The following NEK5 variants were observed in gnomAD, a reference collection of about 807,000 sequenced individuals.
NEK5 encodes NIMA related kinase 5.
Under a neutral mutation model 109.2 loss-of-function variants are expected in NEK5, and 88 were observed. The observed-to-expected ratio is 0.81, with a 90% CI of 0.68 to 0.96. The LOEUF is 0.96. Ranked by LOEUF, NEK5 falls within the 40% of genes least tolerant of loss-of-function variation. The pLI, the probability that NEK5 is intolerant of heterozygous loss-of-function variation, is 0.00. For synonymous variants in NEK5, 283 were observed against 299.9 expected (o/e 0.94, Z 0.58); for missense variants, 834 against 920.7 (o/e 0.91, Z 1.22).
At chr13:52,060,598 G>A (rs777932364) in intron 22 of NEK5, among the ~76,000 whole-genome samples, 27 of 152,000 alleles carry the variant, frequency 1.8e-4, no homozygotes, top group East Asian at 3.9e-4. Context: ...CACCTGCCTC[G>A]GCCTCCCAAA....
chr13:52,121,379 C>T (rs1338061446), intron 3 of NEK5, among the ~76,000 whole-genome samples: 2 of 152,010 alleles, frequency 1.3e-5, no homozygotes, highest in Non-Finnish European at 2.9e-5. Context: ...AGGCTGCTCT[C>T]GAACTCCTGG....
At chr13:52,089,857 T>C (rs1955240169) in intron 13 of NEK5, among the ~76,000 whole-genome samples, 2 of 151,822 alleles carry the variant, frequency 1.3e-5, no homozygotes, top group East Asian at 3.9e-4. Flanking sequence ...GGTGGGCACC[T>C]GTAATCCCAG....
chr13:52,124,897 C>T (rs1052343895), intron 3 of NEK5, among the ~76,000 whole-genome samples: 3 of 152,162 alleles, frequency 2.0e-5, no homozygotes, highest in Non-Finnish European at 2.9e-5. Flanking sequence ...TTGAAGGATC[C>T]AAGTGACCCA....
At position 52,099,744 on chromosome 13, in the gene NEK5, G is replaced by T. The variant is rs971756628; in HGVS notation, c.1025C>A (p.Ser342Tyr). 7.4e-6 allele frequency: 12 copies of T among 1,613,064 alleles called. No homozygotes were observed. Among genetic ancestry groups the T allele is most frequent in the South Asian group, 2.2e-5 (2 of 90,818 alleles). ...AAAGGAGGGTTTAGAATGACTTACA[G>T]ATCTGGCCTTCTGGGCTCCAGCTGG... ...RPPAGAQKAR[S>Y]IKMIERPKIA... Residue 342 changes from serine (S) to tyrosine (Y), a missense_variant and splice_region_variant, in exon 12 of 24, where the codon TCT (serine) becomes TAT (tyrosine). By Grantham distance (144) the Ser-to-Tyr change is moderately radical (BLOSUM62 -2). This residue lies in a region of NEK5 where 777 missense variants were observed against 824.7 expected (regional missense o/e 0.94). Coordinates refer to ENST00000684899, the MANE Select transcript of NEK5 (RefSeq NM_001365552.1).
In NEK5 at chr13:52,102,134, C is replaced by A. The variant is rs1484464956; in HGVS notation, c.768G>T (p.Arg256Ser). The change falls in exon 10 of 24, where the codon AGG becomes AGT. Residue 256 changes from arginine to serine, a missense_variant. Physicochemically the swap from Arg to Ser is moderately radical, Grantham distance 110. Coordinates refer to ENST00000684899, the MANE Select transcript of NEK5 (RefSeq NM_001365552.1). Reference sequence around the variant, plus strand: ...TGGGAATAAGATTCTCTAAAAAGGGCCTTTTCAAAATGGAATTTATGGATG... The same window carrying A: ...TGGGAATAAGATTCTCTAAAAAGGGACTTTTCAAAATGGAATTTATGGATG... ...DRPSINSILK[R>S]PFLENLIPKY... 6.2e-7 allele frequency: 1 copy of A among 1,613,950 alleles called. No homozygotes were observed. The highest frequency in any genetic ancestry group is 2.2e-5 in the East Asian group (1 of 44,866).
rs548362026 is a variant in NEK5 at position 52,050,212 on chromosome 13, G to A, written c.2120C>T (p.Thr707Ile). 7.1e-6 allele frequency: 7 copies of A among 980,554 alleles called. No homozygotes were observed. In the East Asian group the frequency reaches 8.0e-4, roughly 111 times the overall value. 60.7% of individuals were successfully genotyped at this position (980,554 alleles called of 1,614,324 possible). Residue 707 changes from threonine (T) to isoleucine (I), a missense_variant, in exon 23 of 24, where the codon ACA becomes ATA. By Grantham distance (89) the Thr-to-Ile change is moderately conservative. Around this residue, in one of 2 missense-constraint regions of NEK5, gnomAD observed 777 missense variants for 824.7 expected, o/e 0.94. Coordinates refer to ENST00000684899, the MANE Select transcript of NEK5 (RefSeq NM_001365552.1). ...FSADEEFAMG[T>I]LKQWLPKEED... ...TTCTTTGGGTAGCCATTGTTTTAAT[G>A]TTCCCATTGCTAAAGAAATGACAGA...
chr13:52,080,302 G>T lies in NEK5; in HGVS notation c.1572+2958C>A, dbSNP rs1253620996. ...AGCCCCCCGCCCGGCCAGCCGCCTC[G>T]TCCGGGAGGTGAGGGGCGCCTCTGC... On this transcript the variant is annotated intron_variant, in intron 17 of 23. Coordinates refer to ENST00000684899, the MANE Select transcript of NEK5 (RefSeq NM_001365552.1). Among the ~76,000 whole-genome samples the T allele has an allele frequency of 6.1e-5, 9 of 148,736 alleles. No individual in the cohort carries two copies. In the East Asian group the frequency reaches 1.8e-3, roughly 31 times the overall value.
chr13:52,118,392 C>G (rs1452917166), intron 4 of NEK5, among the ~76,000 whole-genome samples: 1 of 152,154 alleles, frequency 6.6e-6, no homozygotes, highest in Non-Finnish European at 1.5e-5. Context: ...CTATCTCTTC[C>G]CACTAGAATA....
intron 9 of NEK5, 25 bp downstream of exon 9, chr13:52,104,472 AT>A: frequency 6.6e-7 from 1 of 1,505,976 alleles, no homozygotes; most frequent in Non-Finnish European, 9.2e-7. Flanking sequence ...ATAATTCAAG[AT>A]TAGTCTGACA....
chr13:52,064,519 G>A (rs1245499397), intron 21 of NEK5, among the ~76,000 whole-genome samples: 30 of 141,456 alleles, frequency 2.1e-4, no homozygotes, highest in South Asian at 4.6e-4. Flanking sequence ...CCCCCCGCCT[G>A]GCCAGCCGCC....
chr13:52,040,364 CG>C (rs1954403329), intron 23 of NEK5, among the ~76,000 whole-genome samples: 1 of 152,050 alleles, frequency 6.6e-6, no homozygotes. Context: ...GGATTACAGG[CG>C]TGAGCCACTG....
At chr13:52,114,760 C>T (rs1052224135) in intron 4 of NEK5, among the ~76,000 whole-genome samples, 15 of 152,090 alleles carry the variant, frequency 9.9e-5, no homozygotes. Context: ...GCCTTAATGT[C>T]TAGAGATCGG....
Position 52,102,186 on chromosome 13 carries a change from AG to A in NEK5, c.715del (p.Leu239SerfsTer12). On this transcript the variant is annotated frameshift_variant, in exon 10 of 24. Transcript: ENST00000684899. LOFTEE classifies it high-confidence loss of function. Reference protein sequence around the residue: ...SRELHSLISQLFQVSPRDRPS... With the variant: ...SRELHSLISQXFQVSPRDRPS... Reference sequence around the variant, plus strand: ...TCGGTCTCGAGGAGATACTTGAAAGAGCTGAGATATCAAGGAATGGAGCTCA... The same window carrying A: ...TCGGTCTCGAGGAGATACTTGAAAGACTGAGATATCAAGGAATGGAGCTCA... 2 of 1,613,774 alleles carry A rather than the reference AG, an allele frequency of 1.2e-6. No individual in the cohort carries two copies. Among genetic ancestry groups the A allele is most frequent in the Non-Finnish European group, 1.7e-6 (2 of 1,179,648 alleles).
At chr13:52,039,601 T>C (rs184629423) in intron 23 of NEK5, among the ~76,000 whole-genome samples, 1 of 152,330 alleles carries the variant, frequency 6.6e-6, no homozygotes, top group Admixed American at 6.5e-5. Flanking sequence ...TATTGTTTTC[T>C]CATATTCTTT....
chr13:52,084,762 A>AGAGAGT (rs1228944662), intron 16 of NEK5, among the ~76,000 whole-genome samples: 97 of 47,434 alleles, frequency 2.0e-3, no homozygotes, highest in Non-Finnish European at 2.6e-3. Flanking sequence ...AGAGAGAGAG[A>AGAGAGT]GTGTGTGTGT....
At chr13:52,112,623 G>A (rs1955779802) in intron 4 of NEK5, among the ~76,000 whole-genome samples, 1 of 152,154 alleles carries the variant, frequency 6.6e-6, no homozygotes, top group Admixed American at 6.6e-5. Context: ...TTAGAATAAT[G>A]CCTGTACATA....
chr13:52,082,314 TA>T (rs746503716), intron 17 of NEK5: 7,639 of 884,980 alleles, frequency 8.6e-3, no homozygotes, highest in South Asian at 0.012. Flanking sequence ...AAATTCCATC[TA>T]AAAAAAAAAG....
chr13:52,074,768 C>T (rs1954837702), intron 19 of NEK5, among the ~76,000 whole-genome samples: 1 of 151,994 alleles, frequency 6.6e-6, no homozygotes, highest in Non-Finnish European at 1.5e-5. Context: ...CTATAAGGAA[C>T]TTAACTGAAC....
intron 4 of NEK5, among the ~76,000 whole-genome samples, chr13:52,118,036 C>T (rs1955896092): frequency 6.6e-6 from 1 of 152,168 alleles, no homozygotes; most frequent in African/African-American, 2.4e-5. Context: ...AGGAAGACCT[C>T]AGAAGAGTCC....
Sources: allele counts gnomAD v4.1 joint callset (sites outside exome capture counted in the v4.1 genomes callset), GRCh38; gene constraint gnomAD v4.1.1; regional missense constraint gnomAD v4.1.1; transcripts MANE v1.5; gene names NCBI Gene and HGNC (gene_info 2026-07-23, HGNC 2026-07-21).